RAB15: variants seen among roughly 807,000 people sequenced by gnomAD.
RAB15 encodes RAB15, member RAS oncogene family.
RAB15 carries 13 observed loss-of-function variants against 31.8 expected under a neutral mutation model. The ratio of observed to expected loss-of-function variants is 0.41; its 90% CI spans 0.27 to 0.65. The LOEUF (loss-of-function observed/expected upper bound fraction) is 0.65. RAB15 is among the 30% of genes least tolerant of loss of function. The probability of loss-of-function intolerance (pLI) is 0.32; values close to 1 mark genes in which losing one functional copy is unlikely to be tolerated. For missense variants in RAB15, 220 were observed against 277.3 expected (o/e 0.79, Z 1.47); for synonymous variants, 100 against 105.6 (o/e 0.95, Z 0.33).
rs1041525225 is a variant in RAB15, at chr14:64,954,952, C to T, written c.125-2381G>A. ...GAAAGCAGGCAACTGTCCCCAGAGA[C>T]AGAACTGACAAGGAGACAGGGTACT... On this transcript the variant is annotated intron_variant, in intron 1 of 6. Transcript: ENST00000533601. The surrounding 1 kb of genome is among the most constrained non-coding windows in gnomAD (Gnocchi z 4.3). Among the ~76,000 whole-genome samples, 4 of 152,122 alleles carry T rather than the reference C, an allele frequency of 2.6e-5. No homozygotes were observed. Among genetic ancestry groups the T allele is most frequent in the Non-Finnish European group, 4.4e-5 (3 of 68,006 alleles).
At chr14:64,967,311 G>A (rs1252574101) in intron 1 of RAB15, among the ~76,000 whole-genome samples, 1 of 152,180 alleles carries the variant, frequency 6.6e-6, no homozygotes, top group African/African-American at 2.4e-5. Context: ...ACTCCTGAGG[G>A]AGTGAGGTAG....
chr14:64,963,374 C>T (rs1886963459), intron 1 of RAB15, among the ~76,000 whole-genome samples: 2 of 152,068 alleles, frequency 1.3e-5, no homozygotes, highest in Non-Finnish European at 2.9e-5. Flanking sequence ...GTGCACAGAC[C>T]TCCCTAGAGC....
chr14:64,949,959 C>T (rs73281764), intron 5 of RAB15, among the ~76,000 whole-genome samples: 11,197 of 152,020 alleles, frequency 0.074, 468 homozygotes, highest in Middle Eastern at 0.088. Context: ...GATCATTTCT[C>T]GACCGTAACA....
chr14:64,962,334 GTTAA>G lies in RAB15; in HGVS notation c.124+9615_124+9618del, dbSNP rs1886909436. Among the ~76,000 whole-genome samples, 1 of 152,206 alleles carries G rather than the reference GTTAA, an allele frequency of 6.6e-6. No individual in the cohort carries two copies. The highest frequency in any genetic ancestry group is 1.5e-5 in the Non-Finnish European group (1 of 68,032). Reference sequence around the variant, plus strand: ...AATGCATTCATTCATTCCTTCATTTGTTAATTCATTCATTCAAACTGTTATTGAA... The same window carrying G: ...AATGCATTCATTCATTCCTTCATTTGTTCATTCATTCAAACTGTTATTGAA... On this transcript the variant is annotated intron_variant, in intron 1 of 6. Transcript: ENST00000533601. The surrounding 1 kb of genome is among the most constrained non-coding windows in gnomAD (Gnocchi z 4.2).
chr14:64,949,666 T>C (rs1886121901), intron 5 of RAB15, among the ~76,000 whole-genome samples: 1 of 140,578 alleles, frequency 7.1e-6, no homozygotes, highest in African/African-American at 2.7e-5. Flanking sequence ...GAGGTTGCAG[T>C]GAGCCGAGAT....
At position 64,972,232 on chromosome 14, in the gene RAB15, A is replaced by C; in HGVS notation, c.-156T>G. ...GGCTGCCTCGCCCGCCCGCCTGCCC[A>C]CTCGCTCGCTGGGTGCCGGGAAGCG... On this transcript the variant is annotated 5_prime_UTR_variant, in exon 1 of 7. Coordinates refer to ENST00000533601, the MANE Select transcript of RAB15 (RefSeq NM_001308154.2). This position sits in a 1 kb window ranked among gnomAD's most constrained non-coding sequence, Gnocchi z 6.3. 1 of 377,250 alleles carries C rather than the reference A, an allele frequency of 2.7e-6. No individual in the cohort carries two copies. Among genetic ancestry groups the C allele is most frequent in the Non-Finnish European group, 3.6e-6 (1 of 275,570 alleles). The allele number at this position is 377,250 out of a possible 1,614,324, so 23.4% of individuals were successfully genotyped here. A position where few individuals can be genotyped will look rare whatever the true frequency, so the allele number is the denominator to read the frequency against.
Position 64,954,353 on chromosome 14 carries a change from G to A in RAB15, c.125-1782C>T. 3 of 985,286 alleles carry A rather than the reference G, an allele frequency of 3.0e-6. No individual in the cohort carries two copies. The highest frequency in any genetic ancestry group is 3.6e-6 in the Non-Finnish European group (3 of 829,848). 61.0% of individuals were successfully genotyped at this position (985,286 alleles called of 1,614,324 possible). On this transcript the variant is annotated intron_variant, in intron 1 of 6. Transcript: ENST00000533601. This position sits in a 1 kb window ranked among gnomAD's most constrained non-coding sequence, Gnocchi z 4.3. ...GGCACCTGTTTCTCCCCAGTACCTG[G>A]CATAGAAGGGAATCAAGACATTCTT...
At position 64,950,761 on chromosome 14, in the gene RAB15, C is replaced by CCTCT. The variant is rs1886203193; in HGVS notation, c.324+312_324+313insAGAG. 1 of 604,736 alleles carries CCTCT rather than the reference C, an allele frequency of 1.7e-6. No individual in the cohort carries two copies. Among genetic ancestry groups the CCTCT allele is most frequent in the African/African-American group, 1.9e-5 (1 of 53,874 alleles). 37.5% of individuals were successfully genotyped at this position (604,736 alleles called of 1,614,324 possible). On this transcript the variant is annotated intron_variant, in intron 4 of 6. Coordinates refer to ENST00000533601, the MANE Select transcript of RAB15 (RefSeq NM_001308154.2). This position sits in a 1 kb window ranked among gnomAD's most constrained non-coding sequence, Gnocchi z 5.6. ...TTCCCAAGGCTCCACAGCTATTGTG[C>CCTCT]AGAGCCAGGACTAGATCCCAATCTT...
Position 64,946,538 on chromosome 14 carries a change from T to C in RAB15, c.*1816A>G, listed in dbSNP as rs750657124. ...TGATTTACAACTTCCTGCTCTCCTT[T>C]GCTTTCCACCATCTAAGCTATACCC... On this transcript the variant is annotated 3_prime_UTR_variant, in exon 7 of 7. Transcript: ENST00000533601. The C allele has an allele frequency of 6.6e-6, 1 of 152,298 alleles. No individual in the cohort carries two copies. The highest frequency in any genetic ancestry group is 1.5e-5 in the Non-Finnish European group (1 of 68,076). 9.4% of individuals were successfully genotyped at this position (152,298 alleles called of 1,614,324 possible). A position where few individuals can be genotyped will look rare whatever the true frequency, so the allele number is the denominator to read the frequency against.
chr14:64,955,932 G>C lies in RAB15; in HGVS notation c.125-3361C>G, dbSNP rs1400321714. On this transcript the variant is annotated intron_variant, in intron 1 of 6. Transcript: ENST00000533601. This position sits in a 1 kb window ranked among gnomAD's most constrained non-coding sequence, Gnocchi z 4.4. ...AAACTTCCAGGTGCATGAGAATCAC[G>C]CGGGGATTGAGTTAAAATGCAGATT... 6.6e-6 allele frequency among the ~76,000 whole-genome samples: 1 copy of C among 152,212 alleles called. No homozygotes were observed. The highest frequency in any genetic ancestry group is 1.9e-4 in the East Asian group (1 of 5,206).
In RAB15 at chr14:64,952,589, G is replaced by A. The variant is rs1487635235; in HGVS notation, c.125-18C>T. 1 of 1,592,648 alleles carries A rather than the reference G, an allele frequency of 6.3e-7. No individual in the cohort carries two copies. Among genetic ancestry groups the A allele is most frequent in the South Asian group, 1.1e-5 (1 of 90,576 alleles). On this transcript the variant is annotated intron_variant, in intron 1 of 6. Coordinates refer to ENST00000533601, the MANE Select transcript of RAB15 (RefSeq NM_001308154.2). This position sits in a 1 kb window ranked among gnomAD's most constrained non-coding sequence, Gnocchi z 4.2. The stretch of plus-strand genomic sequence containing the variant: ...GTCAACACCTGAAGAAAGGAAGAAA[G>A]AAAGAAAGTTAGAAAGCGTACCCAC...
In RAB15 at chr14:64,972,151, C is replaced by T. The variant is rs546699091; in HGVS notation, c.-75G>A. ...CTGCTCCGCCGCTGCCATCGCGGCCCGCGCCCGCCCGGGGACGCTGCGGGC... is the reference window on the plus strand; with the variant it reads ...CTGCTCCGCCGCTGCCATCGCGGCCTGCGCCCGCCCGGGGACGCTGCGGGC... On this transcript the variant is annotated 5_prime_UTR_variant, in exon 1 of 7. Coordinates refer to ENST00000533601, the MANE Select transcript of RAB15 (RefSeq NM_001308154.2). The surrounding 1 kb of genome is among the most constrained non-coding windows in gnomAD (Gnocchi z 6.3). The T allele has an allele frequency of 4.2e-6, 5 of 1,196,382 alleles. No individual in the cohort carries two copies. The African/African-American group carries it at 4.8e-5, about 11-fold the overall frequency. 74.1% of individuals were successfully genotyped at this position (1,196,382 alleles called of 1,614,324 possible).
Position 64,950,868 on chromosome 14 carries a change from A to G in RAB15, c.324+206T>C, listed in dbSNP as rs900945480. Reference sequence around the variant, plus strand: ...GAACTAATTCATTTCCGGGAAAGACACAGCCGTGGAGGCCTGGCAGGGTAT... The same window carrying G: ...GAACTAATTCATTTCCGGGAAAGACGCAGCCGTGGAGGCCTGGCAGGGTAT... On this transcript the variant is annotated intron_variant, in intron 4 of 6. Transcript: ENST00000533601. The surrounding 1 kb of genome is among the most constrained non-coding windows in gnomAD (Gnocchi z 5.6). 1.4e-5 allele frequency: 14 copies of G among 971,108 alleles called. No homozygotes were observed. The highest frequency in any genetic ancestry group is 2.2e-5 in the Non-Finnish European group (14 of 634,284). The allele number at this position is 971,108 out of a possible 1,614,324, so 60.2% of individuals were successfully genotyped here.
In RAB15 at chr14:64,964,709, A is replaced by G. The variant is rs56838350; in HGVS notation, c.124+7244T>C. ...TCCTGCCTCAGCCTCCCGAGTAGCTAGGATTACAGGCACCTGCCACAACAC... is the reference window on the plus strand; with the variant it reads ...TCCTGCCTCAGCCTCCCGAGTAGCTGGGATTACAGGCACCTGCCACAACAC... On this transcript the variant is annotated intron_variant, in intron 1 of 6. Coordinates refer to ENST00000533601, the MANE Select transcript of RAB15 (RefSeq NM_001308154.2). 5.9e-5 allele frequency among the ~76,000 whole-genome samples: 9 copies of G among 151,328 alleles called. No individual in the cohort carries two copies. The South Asian group carries it at 6.3e-4, about 11-fold the overall frequency.
chr14:64,961,420 G>A (rs908651109), intron 1 of RAB15, among the ~76,000 whole-genome samples: 1 of 152,194 alleles, frequency 6.6e-6, no homozygotes, highest in Non-Finnish European at 1.5e-5. Flanking sequence ...GCAGAGATGA[G>A]GGGTCAGTGC....
chr14:64,961,863 T>G (rs534792279), intron 1 of RAB15, among the ~76,000 whole-genome samples: 1 of 149,974 alleles, frequency 6.7e-6, no homozygotes, highest in African/African-American at 2.5e-5. Context: ...TGCAATGAGC[T>G]GAGATCACAC....
At position 64,971,100 on chromosome 14, in the gene RAB15, C is replaced by A. The variant is rs72625653; in HGVS notation, c.124+853G>T. 0.062 allele frequency among the ~76,000 whole-genome samples: 9,389 copies of A among 152,266 alleles called. 517 individuals carry two copies. Among genetic ancestry groups the A allele is most frequent in the East Asian group, 0.31 (1,579 of 5,150 alleles). On this transcript the variant is annotated intron_variant, in intron 1 of 6. Transcript: ENST00000533601. The surrounding 1 kb of genome is among the most constrained non-coding windows in gnomAD (Gnocchi z 4.1). ...GATGAAATTCCCTCTACTCAGACTT[C>A]TCAGGGAGGGGGCCCCTCACAGCCT...
In RAB15 at chr14:64,946,591, C is replaced by T. The variant is rs1885932627; in HGVS notation, c.*1763G>A. The stretch of plus-strand genomic sequence containing the variant: ...TCCCTAAGTCCTGAGCCACCCTCTC[C>T]TGCTGTTTTCCTGGTTTGGTAAGTC... On this transcript the variant is annotated 3_prime_UTR_variant, in exon 7 of 7. Transcript: ENST00000533601. 1.3e-5 allele frequency: 2 copies of T among 152,280 alleles called. No individual in the cohort carries two copies. Among genetic ancestry groups the T allele is most frequent in the South Asian group, 4.1e-4 (2 of 4,826 alleles). The allele number at this position is 152,280 out of a possible 1,614,324, so 9.4% of individuals were successfully genotyped here.
At chr14:64,964,564 C>T (rs1457678982) in intron 1 of RAB15, among the ~76,000 whole-genome samples, 1 of 150,610 alleles carries the variant, frequency 6.6e-6, no homozygotes, top group East Asian at 1.9e-4. Context: ...AGAAAACAAA[C>T]CACTTTTTTT....
Sources: allele counts gnomAD v4.1 joint callset (sites outside exome capture counted in the v4.1 genomes callset), GRCh38; gene constraint gnomAD v4.1.1; non-coding constraint Gnocchi (gnomAD v3.1); transcripts MANE v1.5; gene names NCBI Gene and HGNC (gene_info 2026-07-23, HGNC 2026-07-21).